Variants in LARGE1 observed in about 807,000 individuals in gnomAD.
The protein encoded by LARGE1 is xylosyl- and glucuronyltransferase LARGE1.
A neutral mutation model predicts 87.6 loss-of-function variants in LARGE1; 43 were observed. The observed-to-expected ratio is 0.49, with a 90% CI of 0.38 to 0.63. LARGE1 has a LOEUF of 0.63. LARGE1 is among the 30% of genes least tolerant of loss of function. The pLI is 0.00. For missense variants in LARGE1, 802 were observed against 1,000.2 expected (o/e 0.80, Z 2.67); for synonymous variants, 434 against 394.6 (o/e 1.10, Z -1.18).
chr22:33,388,363 G>C (rs1453634718), intron 7 of LARGE1, among the ~76,000 whole-genome samples: 2 of 152,174 alleles, frequency 1.3e-5, no homozygotes, highest in African/African-American at 4.8e-5. Context: ...TCCTTGTCTT[G>C]AAACATCTTC....
At chr22:33,609,882 T>G (rs2079379130) in intron 4 of LARGE1, among the ~76,000 whole-genome samples, 1 of 151,626 alleles carries the variant, frequency 6.6e-6, no homozygotes, top group Non-Finnish European at 1.5e-5. Context: ...TTTTTAAGAG[T>G]TTTTAAGAGT....
rs964224701 is a variant in LARGE1 at position 33,272,925 on chromosome 22, C to A, written c.*1502G>T. The A allele has an allele frequency of 6.6e-6, 1 of 152,322 alleles. No individual in the cohort carries two copies. Among genetic ancestry groups the A allele is most frequent in the Non-Finnish European group, 1.5e-5 (1 of 67,980 alleles). 9.4% of individuals were successfully genotyped at this position (152,322 alleles called of 1,614,324 possible). The stretch of plus-strand genomic sequence containing the variant: ...TTAGAGACAGAGTGGGATCTAACTT[C>A]AGGCAAAAGGGGAAAAAAAAGGCTA... On this transcript the variant is annotated 3_prime_UTR_variant, in exon 15 of 15. Transcript: ENST00000397394.
chr22:33,889,321 G>A (rs546621934), intron 1 of LARGE1: 1 of 152,216 alleles, frequency 6.6e-6, no homozygotes, highest in African/African-American at 2.4e-5. Context: ...TCCCTCCTGG[G>A]CTAGGCAGAC....
At chr22:33,919,410 C>A (rs1201768372) in intron 1 of LARGE1, among the ~76,000 whole-genome samples, 1 of 152,222 alleles carries the variant, frequency 6.6e-6, no homozygotes, top group East Asian at 1.9e-4. Context: ...GATAGCTATA[C>A]ACTGATCACT....
intron 11 of LARGE1, among the ~76,000 whole-genome samples, chr22:33,306,320 G>A (rs1027913869): frequency 6.6e-6 from 1 of 152,176 alleles, no homozygotes; most frequent in East Asian, 1.9e-4. Context: ...TGCGCTTCAT[G>A]AGAGGGCCAT....
At chr22:33,734,198 T>A (rs1332609088) in intron 2 of LARGE1, among the ~76,000 whole-genome samples, 1 of 152,212 alleles carries the variant, frequency 6.6e-6, no homozygotes, top group Non-Finnish European at 1.5e-5. Context: ...CTTAATGACC[T>A]CATCCTAGTT....
chr22:33,544,398 A>G lies in LARGE1; in HGVS notation c.787+20450T>C, dbSNP rs7288960. Among the ~76,000 whole-genome samples the G allele has an allele frequency of 1.8e-3, 275 of 152,248 alleles. 3 individuals carry two copies. The highest frequency in any genetic ancestry group is 6.5e-3 in the African/African-American group (269 of 41,552). On this transcript the variant is annotated intron_variant, in intron 6 of 14. Transcript: ENST00000397394. ...GTTTAGCAAATAGAGTGGAAAGAGTACCTTTCTACCAGGTGCGGTGGCTCA... is the reference window on the plus strand; with the variant it reads ...GTTTAGCAAATAGAGTGGAAAGAGTGCCTTTCTACCAGGTGCGGTGGCTCA...
chr22:33,604,507 G>A lies in LARGE1; in HGVS notation c.543C>T (p.Ile181=), dbSNP rs1478658613. The change falls in exon 5 of 15, where the codon ATC becomes ATT. Residue 181 remains isoleucine, a synonymous_variant. Coordinates refer to ENST00000397394, the MANE Select transcript of LARGE1 (RefSeq NM_133642.5). The part of the protein sequence containing the change: ...HLIADSIAEQ[I]LATLFQTWMV... ...TCCAGGTCTGGAAGAGCGTGGCCAG[G>A]ATCTGCTCCGCAATGGAGTCAGCAA... 2 of 1,614,132 alleles carry A rather than the reference G, an allele frequency of 1.2e-6. No homozygotes were observed. Among genetic ancestry groups the A allele is most frequent in the Non-Finnish European group, 1.7e-6 (2 of 1,180,002 alleles).
rs901980600 is a variant in LARGE1, at chr22:33,251,219, C to A, written c.1730+53010G>T. On this transcript the variant is annotated intron_variant, in intron 11 of 11. Coordinates refer to the LARGE1 transcript ENST00000608642. The stretch of plus-strand genomic sequence containing the variant: ...TGGCAGTAAGATAGACTACTCTGTT[C>A]TTCTGGATGTGGAACACCCATGTGT... 2.6e-5 allele frequency among the ~76,000 whole-genome samples: 4 copies of A among 152,298 alleles called. No individual in the cohort carries two copies. The South Asian group carries it at 8.3e-4, about 32-fold the overall frequency.
intron 1 of LARGE1, among the ~76,000 whole-genome samples, chr22:33,917,702 C>G (rs988475739): frequency 6.6e-6 from 1 of 152,178 alleles, no homozygotes; most frequent in African/African-American, 2.4e-5. Context: ...ATAACTGAGT[C>G]TTTTCAGAAT....
rs140175304 is a variant in LARGE1, at chr22:33,542,075, A to T, written c.787+22773T>A. On this transcript the variant is annotated intron_variant, in intron 6 of 14. Transcript: ENST00000397394. ...TACTCAGGAGGCTGAGGCAGGAGAA[A>T]CCCTTGAACCAAGGAGGTAGAGGTT... 4.4e-3 allele frequency among the ~76,000 whole-genome samples: 643 copies of T among 145,364 alleles called. 4 individuals carry two copies. The highest frequency in any genetic ancestry group is 0.015 in the African/African-American group (607 of 39,586).
chr22:33,358,911 T>C (rs2064278663), intron 9 of LARGE1, among the ~76,000 whole-genome samples: 1 of 151,454 alleles, frequency 6.6e-6, no homozygotes, highest in Non-Finnish European at 1.5e-5. Context: ...GGCAGGAGAA[T>C]GGTGTGAACC....
At position 33,385,165 on chromosome 22, in the gene LARGE1, G is replaced by T. The variant is rs932194934; in HGVS notation, c.893-861C>A. On this transcript the variant is annotated intron_variant, in intron 7 of 14. Transcript: ENST00000397394. Reference sequence around the variant, plus strand: ...GTATCTTTTCTTGGTTACTTTCTGCGGAAGGGACCTGGGTGAATGGAGGGT... The same window carrying T: ...GTATCTTTTCTTGGTTACTTTCTGCTGAAGGGACCTGGGTGAATGGAGGGT... Among the ~76,000 whole-genome samples, 35 of 148,568 alleles carry T rather than the reference G, an allele frequency of 2.4e-4. 2 individuals are homozygous for T. The highest frequency in any genetic ancestry group is 8.3e-4 in the African/African-American group (34 of 40,980).
rs770059978 is a variant in LARGE1, at chr22:33,277,044, G to T, written c.2073+16C>A. The T allele has an allele frequency of 6.2e-7, 1 of 1,613,044 alleles. No homozygotes were observed. The highest frequency in any genetic ancestry group is 2.2e-5 in the East Asian group (1 of 44,880). On this transcript the variant is annotated intron_variant, in intron 14 of 14. Transcript: ENST00000397394. ...CCCCCGTCGACCATACCAGGTGGATGCTCCGTTCTTCTCACCTGCACATCC... is the reference window on the plus strand; with the variant it reads ...CCCCCGTCGACCATACCAGGTGGATTCTCCGTTCTTCTCACCTGCACATCC...
chr22:33,304,562 G>T, intron 11 of LARGE1, 55 bp from the exon 12 acceptor site: 1 of 1,499,950 alleles, frequency 6.7e-7, no homozygotes. Context: ...TGCATCATCC[G>T]CCGGGCCTGT....
intron 1 of LARGE1, among the ~76,000 whole-genome samples, chr22:33,895,094 A>G (rs926150449): frequency 6.6e-6 from 1 of 152,062 alleles, no homozygotes; most frequent in Non-Finnish European, 1.5e-5. Context: ...TGGGGAGGAG[A>G]GTACACCTCT....
chr22:33,635,079 C>T (rs1467028269), intron 3 of LARGE1, among the ~76,000 whole-genome samples: 5 of 151,490 alleles, frequency 3.3e-5, no homozygotes, highest in Non-Finnish European at 5.9e-5. Flanking sequence ...GATCGCACCA[C>T]TGCACTCTAG....
At chr22:33,176,932 A>G (rs551902753) in intron 11 of LARGE1, among the ~76,000 whole-genome samples, 1 of 152,300 alleles carries the variant, frequency 6.6e-6, no homozygotes, top group East Asian at 1.9e-4. Flanking sequence ...GATAGACTGG[A>G]TAAAGAAAAT....
chr22:33,501,624 C>T (rs987738856), intron 6 of LARGE1, among the ~76,000 whole-genome samples: 2 of 152,188 alleles, frequency 1.3e-5, no homozygotes, highest in South Asian at 2.1e-4. Flanking sequence ...TAATCTCAAC[C>T]TGCTTACCAC....
Sources: gnomAD v4.1 joint callset for allele counts (sites outside exome capture counted in the v4.1 genomes callset) on GRCh38, gnomAD v4.1.1 for gene constraint, MANE v1.5 for transcripts, NCBI Gene and HGNC (gene_info 2026-07-23, HGNC 2026-07-21) for gene names.